ADAMTS17: variants seen among roughly 807,000 people sequenced by gnomAD.
ADAMTS17 encodes A disintegrin and metalloproteinase with thrombospondin motifs 17.
ADAMTS17 carries 113 observed loss-of-function variants against 141.5 expected under a neutral mutation model. The observed-to-expected ratio is 0.80, with a 90% confidence interval of 0.69 to 0.93. The LOEUF is 0.93. Ranked by LOEUF, ADAMTS17 falls within the 40% of genes least tolerant of loss-of-function variation. The pLI, the probability that ADAMTS17 is intolerant of heterozygous loss-of-function variation, is 0.00. For synonymous variants in ADAMTS17, 768 were observed against 630.6 expected, an observed-to-expected ratio of 1.22 and a Z score of -3.27; for missense variants, 1,659 against 1,517.9, an observed-to-expected ratio of 1.09 and a Z score of -1.54.
At chr15:99,988,313 C>G (rs568478837) in intron 20 of ADAMTS17, among the ~76,000 whole-genome samples, 47 of 152,224 alleles carry the variant, frequency 3.1e-4, no homozygotes, top group African/African-American at 1.1e-3. Flanking sequence ...TCACCAAGAG[C>G]TGGTTGTTTA....
At chr15:100,199,208 G>T in intron 8 of ADAMTS17, 110 bp downstream of exon 8, 1 of 1,045,054 alleles carries the variant, frequency 9.6e-7, no homozygotes. Context: ...TATTGCAGAT[G>T]CAGCAAAGGC....
intron 7 of ADAMTS17, among the ~76,000 whole-genome samples, chr15:100,241,231 G>A (rs1317539014): frequency 6.6e-6 from 1 of 152,142 alleles, no homozygotes; most frequent in African/African-American, 2.4e-5. Context: ...ACAACTCCAA[G>A]ACTACTTTTT....
rs180864075 is a variant in ADAMTS17, at chr15:100,215,159, G to A, written c.1076-15736C>T. ...AGAGGCAGCCCTCATGCCTGCGTTT[G>A]GAACGCAGTAGCAATACTAAATCAG... On this transcript the variant is annotated intron_variant, in intron 7 of 21. Transcript: ENST00000268070. Among the ~76,000 whole-genome samples the A allele has an allele frequency of 6.4e-3, 979 of 152,340 alleles. 11 individuals carry two copies. The highest frequency in any genetic ancestry group is 0.023 in the African/African-American group (959 of 41,576).
chr15:100,102,432 T>C (rs553399534), intron 14 of ADAMTS17, among the ~76,000 whole-genome samples: 15 of 71,728 alleles, frequency 2.1e-4, no homozygotes, highest in Non-Finnish European at 3.5e-4. Context: ...GAAGGGGATC[T>C]ACATTTGAGG....
intron 14 of ADAMTS17, 88 bp from the exon 15 acceptor site, chr15:100,096,564 G>T: frequency 6.3e-7 from 1 of 1,575,608 alleles, no homozygotes. Context: ...TTTTCCATGA[G>T]GTGCAGCATA....
chr15:100,177,062 AGTT>A (rs1048145965), intron 8 of ADAMTS17, among the ~76,000 whole-genome samples: 28 of 152,238 alleles, frequency 1.8e-4, no homozygotes, highest in African/African-American at 6.8e-4. Context: ...AGAAGAATAG[AGTT>A]GTTATGAATA....
intron 7 of ADAMTS17, among the ~76,000 whole-genome samples, chr15:100,245,177 G>T (rs2042950204): frequency 6.6e-6 from 1 of 152,148 alleles, no homozygotes; most frequent in Non-Finnish European, 1.5e-5. Context: ...GCTTTGGACT[G>T]ACACCAGTGT....
In ADAMTS17 at chr15:100,328,930, T is replaced by C. The variant is rs1392649548; in HGVS notation, c.616+1959A>G. 2.0e-5 allele frequency among the ~76,000 whole-genome samples: 3 copies of C among 152,106 alleles called. No homozygotes were observed. In the South Asian group the frequency reaches 6.2e-4, roughly 32 times the overall value. The stretch of plus-strand genomic sequence containing the variant: ...GTTGCATGGCCCTGCTTGAAGGTGC[T>C]CAAATGGGAAAATCCACTCCCGATG... On this transcript the variant is annotated intron_variant, in intron 3 of 21. Transcript: ENST00000268070.
At chr15:100,235,721 G>T (rs4284618) in intron 7 of ADAMTS17, among the ~76,000 whole-genome samples, 3,207 of 152,240 alleles carry the variant, frequency 0.021, 63 homozygotes, top group South Asian at 0.043. Flanking sequence ...GGACTTCCAG[G>T]GCCCTCTCTG....
rs762769058 is a variant in ADAMTS17, at chr15:100,050,166, A to G, written c.2456-1174T>C. Among the ~76,000 whole-genome samples the G allele has an allele frequency of 4.0e-4, 61 of 152,182 alleles. 2 individuals carry two copies. The highest frequency in any genetic ancestry group is 2.0e-4 in the Admixed American group (3 of 15,278). On this transcript the variant is annotated intron_variant, in intron 17 of 21. Transcript: ENST00000268070. ...GTACAGAAAGCACGGAACTGCTTTC[A>G]GCTTTGGTGGCAGGTCTGACCACTG...
rs1049806038 is a variant in ADAMTS17 at position 99,991,410 on chromosome 15, A to G, written c.2949+1638T>C. ...GAAGACATTTATGCAGCCAATAAAC[A>G]TATGAAAAAAAGCTCATCATCACTG... On this transcript the variant is annotated intron_variant, in intron 20 of 21. Coordinates refer to ENST00000268070, the MANE Select transcript of ADAMTS17 (RefSeq NM_139057.4). 6.6e-5 allele frequency among the ~76,000 whole-genome samples: 10 copies of G among 152,354 alleles called. No individual in the cohort carries two copies. The South Asian group carries it at 2.1e-3, about 32-fold the overall frequency.
rs1567632110 is a variant in ADAMTS17, at chr15:99,977,374, AT to A, written c.2950-1153del. 4.9e-3 allele frequency among the ~76,000 whole-genome samples: 69 copies of A among 14,170 alleles called. 4 individuals carry two copies. The highest frequency in any genetic ancestry group is 9.9e-3 in the African/African-American group (31 of 3,130). 9.3% of individuals were successfully genotyped at this position (14,170 alleles called of 152,430 possible). On this transcript the variant is annotated intron_variant, in intron 20 of 21. Coordinates refer to ENST00000268070, the MANE Select transcript of ADAMTS17 (RefSeq NM_139057.4). ...CATATATATATATATATATATATAT[AT>A]ATATATATATATATATATATATATA...
intron 15 of ADAMTS17, among the ~76,000 whole-genome samples, chr15:100,071,854 G>T (rs59543146): frequency 0.044 from 6,567 of 150,370 alleles, 809 homozygotes; most frequent in African/African-American, 0.15. Context: ...ACAAGACAGG[G>T]ATGCCCTCTC....
intron 18 of ADAMTS17, among the ~76,000 whole-genome samples, chr15:100,006,794 A>T (rs2061044480): frequency 6.6e-6 from 1 of 152,228 alleles, no homozygotes; most frequent in Non-Finnish European, 1.5e-5. Context: ...AGGTGCCTGT[A>T]TGTGATTCTC....
At chr15:100,109,744 T>TA (rs1187428851) in intron 13 of ADAMTS17, among the ~76,000 whole-genome samples, 1 of 152,122 alleles carries the variant, frequency 6.6e-6, no homozygotes, top group Non-Finnish European at 1.5e-5. Flanking sequence ...CCCCTACTCC[T>TA]AAAAACACAT....
At chr15:100,196,340 G>GT (rs1567333869) in intron 8 of ADAMTS17, among the ~76,000 whole-genome samples, 1 of 152,220 alleles carries the variant, frequency 6.6e-6, no homozygotes, top group East Asian at 1.9e-4. Context: ...ATCTAGCTTT[G>GT]TGTTTTCTGA....
chr15:100,275,963 C>A (rs530826282), intron 4 of ADAMTS17, among the ~76,000 whole-genome samples: 1 of 105,222 alleles, frequency 9.5e-6, no homozygotes, highest in African/African-American at 3.9e-5. Context: ...GGTCAGCACA[C>A]ATGGGCGGGC....
chr15:100,157,451 G>A (rs951266696), intron 8 of ADAMTS17, among the ~76,000 whole-genome samples: 9 of 152,104 alleles, frequency 5.9e-5, no homozygotes, highest in African/African-American at 2.2e-4. Context: ...TTGCTCAAGT[G>A]ACCAACTAGA....
intron 10 of ADAMTS17, among the ~76,000 whole-genome samples, chr15:100,140,344 T>A (rs1169612227): frequency 6.6e-6 from 1 of 152,010 alleles, no homozygotes; most frequent in Non-Finnish European, 1.5e-5. Flanking sequence ...CATATAGTAT[T>A]TTTTGTAAGT....
Sources: allele counts gnomAD v4.1 joint callset (sites outside exome capture counted in the v4.1 genomes callset), GRCh38; gene constraint gnomAD v4.1.1; transcripts MANE v1.5; gene names NCBI Gene and HGNC (gene_info 2026-07-23, HGNC 2026-07-21).